Variants in TGFBR1 observed in about 807,000 individuals in gnomAD.
The protein encoded by TGFBR1 is transforming growth factor beta receptor 1, also known as TGF-beta receptor type-1.
TGFBR1 carries 20 observed loss-of-function variants against 55.1 expected under a neutral mutation model. That is an observed-to-expected ratio of 0.36 (90% CI 0.26 to 0.53). The LOEUF is 0.53. Among genes scored for constraint, TGFBR1 ranks in the 20% least tolerant of loss-of-function variants. The pLI is 0.91. For synonymous variants in TGFBR1, 220 were observed against 214.8 expected (o/e 1.02, Z -0.21); for missense variants, 385 against 617.6 (o/e 0.62, Z 3.99).
At chr9:99,125,971 A>G (rs971354613) in intron 1 of TGFBR1, among the ~76,000 whole-genome samples, 10 of 152,168 alleles carry the variant, frequency 6.6e-5, no homozygotes, top group African/African-American at 2.2e-4. Context: ...CAAGCTATAA[A>G]TAGATTGATT....
intron 1 of TGFBR1, among the ~76,000 whole-genome samples, chr9:99,111,464 T>C (rs1283756198): frequency 6.6e-6 from 1 of 151,802 alleles, no homozygotes; most frequent in Admixed American, 6.6e-5. Context: ...CTGTCTCTAC[T>C]AAAAATAACA....
intron 1 of TGFBR1, among the ~76,000 whole-genome samples, chr9:99,121,534 T>C (rs1405680553): frequency 6.6e-6 from 1 of 152,064 alleles, no homozygotes; most frequent in Non-Finnish European, 1.5e-5. Flanking sequence ...TCAGAAGAAC[T>C]GGGGTAGAAG....
At chr9:99,111,886 A>G (rs1826592992) in intron 1 of TGFBR1, among the ~76,000 whole-genome samples, 1 of 152,152 alleles carries the variant, frequency 6.6e-6, no homozygotes, top group African/African-American at 2.4e-5. Context: ...ATGACTACAG[A>G]CTCAGTACTA....
chr9:99,150,459 T>C lies in TGFBR1; in HGVS notation c.*1154T>C, dbSNP rs141078676. The C allele has an allele frequency of 3.8e-5, 8 of 212,660 alleles. No homozygotes were observed. The East Asian group carries it at 5.7e-4, about 15-fold the overall frequency. The allele number at this position is 212,660 out of a possible 1,614,324, so 13.2% of individuals were successfully genotyped here. On this transcript the variant is annotated 3_prime_UTR_variant, in exon 9 of 9. Transcript: ENST00000374994. ...ATTTAAAATTAGAATATGGTTAATATTAAATAATAGGCCTTTTTCTAGGAA... is the reference window on the plus strand; with the variant it reads ...ATTTAAAATTAGAATATGGTTAATACTAAATAATAGGCCTTTTTCTAGGAA...
Position 99,152,801 on chromosome 9 carries a change from T to C in TGFBR1, c.*3496T>C. ...ATTTTGAGATACTAAGGATTATCTT[T>C]GGACATGTACTGCAGCTTCTTGTCT... On this transcript the variant is annotated 3_prime_UTR_variant, in exon 9 of 9. Coordinates refer to ENST00000374994, the MANE Select transcript of TGFBR1 (RefSeq NM_004612.4). The C allele has an allele frequency of 4.3e-6, 1 of 231,280 alleles. No individual in the cohort carries two copies. The highest frequency in any genetic ancestry group is 8.6e-6 in the Non-Finnish European group (1 of 116,564). The allele number at this position is 231,280 out of a possible 1,614,324, so 14.3% of individuals were successfully genotyped here.
At position 99,153,999 on chromosome 9, in the gene TGFBR1, T is replaced by C. The variant is rs200026653; in HGVS notation, c.*4694T>C. ...AGAGAACTGGAAAAATGATGAGATG[T>C]GGTCCCCAAACCCTTGATTGACTCT... On this transcript the variant is annotated 3_prime_UTR_variant, in exon 9 of 9. Transcript: ENST00000374994. 2 of 217,762 alleles carry C rather than the reference T, an allele frequency of 9.2e-6. No individual in the cohort carries two copies. The highest frequency in any genetic ancestry group is 1.9e-5 in the Non-Finnish European group (2 of 108,104). The allele number at this position is 217,762 out of a possible 1,614,324, so 13.5% of individuals were successfully genotyped here.
rs1198082830 is a variant in TGFBR1, at chr9:99,105,316, C to T, written c.97+14C>T. The T allele has an allele frequency of 3.1e-6, 3 of 981,680 alleles. No homozygotes were observed. The highest frequency in any genetic ancestry group is 3.6e-6 in the Non-Finnish European group (3 of 829,142). The allele number at this position is 981,680 out of a possible 1,614,324, so 60.8% of individuals were successfully genotyped here. On this transcript the variant is annotated intron_variant, in intron 1 of 8. Transcript: ENST00000374994. ...CGGGGGCGACGGGTGAGCGGCGGCGCGGCGGGCGGGCGACTGCGGGGCGCG... is the reference window on the plus strand; with the variant it reads ...CGGGGGCGACGGGTGAGCGGCGGCGTGGCGGGCGGGCGACTGCGGGGCGCG...
At chr9:99,104,315 C>G (rs935618447), upstream of TGFBR1, among the ~76,000 whole-genome samples, 47 of 152,124 alleles carry the variant, frequency 3.1e-4, no homozygotes, top group Non-Finnish European at 2.1e-4. Flanking sequence ...CCTCCCTTTC[C>G]AACCTGGATC....
At position 99,132,672 on chromosome 9, in the gene TGFBR1, T is replaced by C. The variant is rs754431973; in HGVS notation, c.507T>C (p.Pro169=). 6.2e-7 allele frequency: 1 copy of C among 1,614,184 alleles called. No individual in the cohort carries two copies. Residue 169 remains proline, a synonymous_variant, in exon 3 of 9, where the codon CCT becomes CCC. Transcript: ENST00000374994. ...PNEEDPSLDR[P]FISEGTTLKD... is the part of the protein sequence containing the mutation. ...AAGAGGACCCTTCATTAGATCGCCC[T>C]TTTATTTCAGAGGGTACTACGTTGA...
At chr9:99,129,332 A>G (rs141531668) in intron 2 of TGFBR1, among the ~76,000 whole-genome samples, 2 of 152,300 alleles carry the variant, frequency 1.3e-5, no homozygotes, top group South Asian at 2.1e-4. Flanking sequence ...GGTCTGTTAT[A>G]CCTAAAAGGA....
chr9:99,120,983 C>T (rs1429266245), intron 1 of TGFBR1, among the ~76,000 whole-genome samples: 1 of 152,062 alleles, frequency 6.6e-6, no homozygotes, highest in Non-Finnish European at 1.5e-5. Flanking sequence ...TTGGCTAATT[C>T]CATAGAAACT....
At position 99,150,727 on chromosome 9, in the gene TGFBR1, T is replaced by A; in HGVS notation, c.*1422T>A. The stretch of plus-strand genomic sequence containing the variant: ...AATGCATTCAGTGCACCCTTGTTAC[T>A]TGGGAGAGGTGGTAGCTAAAGAACA... On this transcript the variant is annotated 3_prime_UTR_variant, in exon 9 of 9. Transcript: ENST00000374994. 1 of 213,200 alleles carries A rather than the reference T, an allele frequency of 4.7e-6. No individual in the cohort carries two copies. The highest frequency in any genetic ancestry group is 9.5e-6 in the Non-Finnish European group (1 of 105,028). 13.2% of individuals were successfully genotyped at this position (213,200 alleles called of 1,614,324 possible).
intron 1 of TGFBR1, among the ~76,000 whole-genome samples, chr9:99,113,920 G>A (rs1243979896): frequency 2.6e-5 from 4 of 152,162 alleles, no homozygotes; most frequent in Admixed American, 2.0e-4. Flanking sequence ...CTGAGAAATT[G>A]TAGAAGGAAT....
At chr9:99,139,946 A>G (rs1045872760) in intron 4 of TGFBR1, among the ~76,000 whole-genome samples, 1 of 152,100 alleles carries the variant, frequency 6.6e-6, no homozygotes, top group Non-Finnish European at 1.5e-5. Flanking sequence ...TTGTTCTTCT[A>G]TCTTTTCTGA....
At chr9:99,139,516 A>T (rs1186714412) in intron 4 of TGFBR1, among the ~76,000 whole-genome samples, 1 of 152,186 alleles carries the variant, frequency 6.6e-6, no homozygotes, top group Non-Finnish European at 1.5e-5. Context: ...GTCACTGCCA[A>T]TCATAATTGA....
At position 99,137,971 on chromosome 9, in the gene TGFBR1, T is replaced by TA; in HGVS notation, c.687_688insA (p.Ala230SerfsTer3). 1 of 1,613,998 alleles carries TA rather than the reference T, an allele frequency of 6.2e-7. No homozygotes were observed. The highest frequency in any genetic ancestry group is 8.5e-7 in the Non-Finnish European group (1 of 1,179,946). Reference sequence around the variant, plus strand: ...GAGGAAAGTGGCGGGGAGAAGAAGTTGCTGTTAAGATATTCTCCTCTAGAG... The same window carrying TA: ...GAGGAAAGTGGCGGGGAGAAGAAGTTAGCTGTTAAGATATTCTCCTCTAGAG... On this transcript the variant is annotated frameshift_variant, in exon 4 of 9. Transcript: ENST00000374994. LOFTEE classifies it high-confidence loss of function.
chr9:99,144,290 T>C (rs1827721459), intron 5 of TGFBR1, among the ~76,000 whole-genome samples: 1 of 152,222 alleles, frequency 6.6e-6, no homozygotes, highest in Non-Finnish European at 1.5e-5. Flanking sequence ...TTCCACATTA[T>C]AATTATTATT....
chr9:99,154,053 C>G lies in TGFBR1; in HGVS notation c.*4748C>G, dbSNP rs1486619651. 4.4e-6 allele frequency: 1 copy of G among 224,756 alleles called. No individual in the cohort carries two copies. The highest frequency in any genetic ancestry group is 8.9e-6 in the Non-Finnish European group (1 of 112,776). 13.9% of individuals were successfully genotyped at this position (224,756 alleles called of 1,614,324 possible). A position where few individuals can be genotyped will look rare whatever the true frequency, so the allele number is the denominator to read the frequency against. ...GAGGGGCTTTGTGAATAGGATTGCT[C>G]TCACATTAAAGATAGTTACTTCAAT... On this transcript the variant is annotated 3_prime_UTR_variant, in exon 9 of 9. Transcript: ENST00000374994.
chr9:99,136,162 A>C (rs1827432887), intron 3 of TGFBR1, among the ~76,000 whole-genome samples: 1 of 152,148 alleles, frequency 6.6e-6, no homozygotes, highest in African/African-American at 2.4e-5. Context: ...GCCAATTGTT[A>C]ACTTTTTAAA....
Sources: allele counts gnomAD v4.1 joint callset (sites outside exome capture counted in the v4.1 genomes callset), GRCh38; gene constraint gnomAD v4.1.1; transcripts MANE v1.5; gene names NCBI Gene and HGNC (gene_info 2026-07-23, HGNC 2026-07-21).